GPM6A: variants seen among roughly 807,000 people sequenced by gnomAD.
The protein encoded by GPM6A is neuronal membrane glycoprotein M6-a.
A neutral mutation model predicts 32.1 loss-of-function variants in GPM6A; 7 were observed. The ratio of observed to expected loss-of-function variants is 0.22; its 90% CI spans 0.12 to 0.41. The LOEUF (loss-of-function observed/expected upper bound fraction) is 0.41. GPM6A is among the 10% of genes least tolerant of loss of function. The pLI is 1.00. For synonymous variants in GPM6A, 130 were observed against 123.4 expected, an observed-to-expected ratio of 1.05 and a Z score of -0.35; for missense variants, 235 against 347.2, an observed-to-expected ratio of 0.68 and a Z score of 2.57.
intron 1 of GPM6A, among the ~76,000 whole-genome samples, chr4:175,772,867 C>T (rs1733246587): frequency 6.6e-6 from 1 of 152,042 alleles, no homozygotes; most frequent in South Asian, 2.1e-4. Flanking sequence ...CAAATGGAAG[C>T]AGGGCAAGTC....
At chr4:175,736,066 C>T (rs1201118291) in intron 1 of GPM6A, among the ~76,000 whole-genome samples, 1 of 152,050 alleles carries the variant, frequency 6.6e-6, no homozygotes, top group Non-Finnish European at 1.5e-5. Flanking sequence ...CACTCTATTG[C>T]CCAGGCTGGA....
chr4:175,640,255 G>T (rs1383132498), intron 5 of GPM6A, 61 bp from the exon 6 acceptor site: 4 of 1,278,476 alleles, frequency 3.1e-6, no homozygotes, highest in Non-Finnish European at 3.4e-6. Flanking sequence ...GAGAAGTCAA[G>T]ATTGCTACTG....
chr4:175,731,311 T>C lies in GPM6A; in HGVS notation c.38-29544A>G, dbSNP rs573304801. Among the ~76,000 whole-genome samples, 56 of 152,266 alleles carry C rather than the reference T, an allele frequency of 3.7e-4. 1 individual carries two copies. Among genetic ancestry groups the C allele is most frequent in the Non-Finnish European group, 7.5e-4 (51 of 68,018 alleles). On this transcript the variant is annotated intron_variant, in intron 1 of 6. Coordinates refer to ENST00000393658, the MANE Select transcript of GPM6A (RefSeq NM_201591.3). ...CGGTCCGTGTACTGCAGCACCCCAG[T>C]GCCTGCAATGCGCTCCCAAACCACA...
chr4:175,643,656 A>C (rs1741285522), intron 4 of GPM6A, among the ~76,000 whole-genome samples: 1 of 152,184 alleles, frequency 6.6e-6, no homozygotes, highest in Admixed American at 6.5e-5. Context: ...CAAGGATGTC[A>C]GGCCACCATC....
intron 2 of GPM6A, among the ~76,000 whole-genome samples, chr4:175,695,182 C>T (rs1044824820): frequency 6.6e-6 from 1 of 152,216 alleles, no homozygotes; most frequent in Non-Finnish European, 1.5e-5. Flanking sequence ...TCACAGAGAA[C>T]CTCTACTAGA....
chr4:175,950,133 C>T (rs1210710257), intron 1 of GPM6A, among the ~76,000 whole-genome samples: 1 of 152,130 alleles, frequency 6.6e-6, no homozygotes, highest in Non-Finnish European at 1.5e-5. Context: ...AAATTATATA[C>T]ACTTTGACAA....
chr4:175,645,041 A>C, intron 4 of GPM6A, among the ~76,000 whole-genome samples: 1 of 152,156 alleles, frequency 6.6e-6, no homozygotes, highest in Admixed American at 6.5e-5. Context: ...TGGATGTTGC[A>C]GTGAGACGAG....
chr4:175,768,945 A>G (rs1733081938), intron 1 of GPM6A, among the ~76,000 whole-genome samples: 1 of 152,052 alleles, frequency 6.6e-6, no homozygotes, highest in Non-Finnish European at 1.5e-5. Flanking sequence ...AAATACCAAA[A>G]TTAGCTGGGC....
chr4:175,749,413 C>T (rs774096267), intron 1 of GPM6A, among the ~76,000 whole-genome samples: 9 of 152,206 alleles, frequency 5.9e-5, no homozygotes, highest in African/African-American at 9.6e-5. Context: ...TTGCTGGACA[C>T]GGTTGCCACA....
chr4:175,814,704 G>A (rs1045942845), upstream of GPM6A, among the ~76,000 whole-genome samples: 9 of 152,072 alleles, frequency 5.9e-5, no homozygotes, highest in African/African-American at 2.2e-4. Context: ...AGTCCTCAGA[G>A]CCAGTCCAAA....
At chr4:175,764,846 CATTATTATTATT>C (rs56700410) in intron 1 of GPM6A, among the ~76,000 whole-genome samples, 36 of 140,532 alleles carry the variant, frequency 2.6e-4, no homozygotes, top group East Asian at 4.1e-4. Context: ...AACCCAAAGG[CATTATTATTATT>C]ATTATTATTA....
chr4:175,931,327 C>G (rs925429431), intron 1 of GPM6A, among the ~76,000 whole-genome samples: 5 of 152,126 alleles, frequency 3.3e-5, no homozygotes, highest in Admixed American at 3.3e-4. Context: ...CCCAGATGCT[C>G]TCTATATTTT....
chr4:175,679,964 T>C (rs902933679), intron 2 of GPM6A, among the ~76,000 whole-genome samples: 1 of 152,148 alleles, frequency 6.6e-6, no homozygotes, highest in Non-Finnish European at 1.5e-5. Flanking sequence ...GAAACTCTCG[T>C]CCTATTAAAG....
chr4:175,942,775 C>G (rs1217370744), intron 1 of GPM6A, among the ~76,000 whole-genome samples: 1 of 152,214 alleles, frequency 6.6e-6, no homozygotes, highest in Non-Finnish European at 1.5e-5. Context: ...ATTTTGGTTA[C>G]TGTAGCCTTG....
intron 1 of GPM6A, among the ~76,000 whole-genome samples, chr4:175,797,676 A>G (rs1734288011): frequency 6.6e-6 from 1 of 152,200 alleles, no homozygotes; most frequent in African/African-American, 2.4e-5. Flanking sequence ...CAATCATTTT[A>G]CAATACTTTT....
chr4:175,951,740 C>G (rs1188620368), intron 1 of GPM6A, among the ~76,000 whole-genome samples: 2 of 152,170 alleles, frequency 1.3e-5, no homozygotes, highest in Non-Finnish European at 2.9e-5. Flanking sequence ...ATTTATATTA[C>G]CTGGGTAGTT....
chr4:175,908,651 G>A (rs903265024), intron 1 of GPM6A, among the ~76,000 whole-genome samples: 5 of 152,054 alleles, frequency 3.3e-5, no homozygotes, highest in African/African-American at 9.7e-5. Flanking sequence ...CCAGCAAATA[G>A]AATCTTTATA....
chr4:175,671,944 T>C (rs1743098044), intron 3 of GPM6A, among the ~76,000 whole-genome samples: 1 of 150,506 alleles, frequency 6.6e-6, no homozygotes, highest in South Asian at 2.1e-4. Flanking sequence ...ACCCTTCTGG[T>C]CTGTTGGGTG....
Position 175,663,855 on chromosome 4 carries a change from G to A in GPM6A, c.387+9825C>T, listed in dbSNP as rs138658813. ...ACTACAGGCGCCCGCCACTACGCCC[G>A]GCTAATTTTTGTATTCTTAGTAGAA... On this transcript the variant is annotated intron_variant, in intron 3 of 6. Transcript: ENST00000393658. Among the ~76,000 whole-genome samples, 1,372 of 151,822 alleles carry A rather than the reference G, an allele frequency of 9.0e-3. 24 individuals are homozygous for A. Among genetic ancestry groups the A allele is most frequent in the African/African-American group, 0.031 (1,296 of 41,402 alleles).
Sources: gnomAD v4.1 joint callset for allele counts (sites outside exome capture counted in the v4.1 genomes callset) on GRCh38, gnomAD v4.1.1 for gene constraint, MANE v1.5 for transcripts, NCBI Gene and HGNC (gene_info 2026-07-23, HGNC 2026-07-21) for gene names.